Variants in MDN1 observed in about 807,000 individuals in gnomAD.
MDN1 encodes midasin AAA ATPase 1.
A neutral mutation model predicts 669.2 loss-of-function variants in MDN1; 266 were observed. The ratio of observed to expected loss-of-function variants is 0.40; its 90% CI spans 0.36 to 0.44. MDN1 has a LOEUF of 0.44. MDN1 is among the 20% of genes least tolerant of loss of function. MDN1 has a pLI of 1.00. For synonymous variants in MDN1, 2,385 were observed against 2,457.1 expected (o/e 0.97, Z 0.87); for missense variants, 5,940 against 6,754.0 (o/e 0.88, Z 4.22).
At position 89,787,922 on chromosome 6, in the gene MDN1, C is replaced by T. The variant is rs751036350; in HGVS notation, c.1266G>A (p.Glu422=). 1 of 1,613,668 alleles carries T rather than the reference C, an allele frequency of 6.2e-7. No homozygotes were observed. The highest frequency in any genetic ancestry group is 8.5e-7 in the Non-Finnish European group (1 of 1,180,012). ...AGTCACCTCGGCCAGGAATCAAGAG[C>T]TCTCCATTCTCCAAGAGAGGGATCA... ...SVLIPLLENG[E]LLIPGRGDCL... The change falls in exon 8 of 102, where the codon GAG becomes GAA. Residue 422 remains glutamate (E), a synonymous_variant. Transcript: ENST00000369393.
In MDN1 at chr6:89,671,899, G is replaced by A. The variant is rs144926670; in HGVS notation, c.13794+301C>T. 2.9e-3 allele frequency among the ~76,000 whole-genome samples: 436 copies of A among 152,302 alleles called. 1 individual carries two copies. Among genetic ancestry groups the A allele is most frequent in the African/African-American group, 9.9e-3 (411 of 41,562 alleles). ...CTGCTAAGCCTCAGTTGATAACATC[G>A]TCTATCAGTAACATCAGATACTTGG... On this transcript the variant is annotated intron_variant, in intron 82 of 101. Transcript: ENST00000369393.
rs1811814646 is a variant in MDN1, at chr6:89,683,823, T to C, written c.11903+8A>G. ...TTTGGTTGTCTCCAGTTTTAAAAGA[T>C]GGATTACCTGTGTGTCTTTTCTACA... On this transcript the variant is annotated splice_region_variant and intron_variant, in intron 72 of 101. Coordinates refer to ENST00000369393, the MANE Select transcript of MDN1 (RefSeq NM_014611.3). 7 of 1,610,026 alleles carry C rather than the reference T, an allele frequency of 4.3e-6. No individual in the cohort carries two copies. The highest frequency in any genetic ancestry group is 5.1e-6 in the Non-Finnish European group (6 of 1,176,774).
At chr6:89,783,476 G>A (rs1348428748) in intron 9 of MDN1, among the ~76,000 whole-genome samples, 1 of 152,138 alleles carries the variant, frequency 6.6e-6, no homozygotes, top group Non-Finnish European at 1.5e-5. Context: ...GCTGAACATA[G>A]AGCCTTATCA....
chr6:89,727,480 C>A (rs191001383), intron 37 of MDN1, among the ~76,000 whole-genome samples: 1 of 152,206 alleles, frequency 6.6e-6, no homozygotes, highest in East Asian at 1.9e-4. Context: ...TTAGTCTCTC[C>A]GGTGCACTAA....
rs1382214463 is a variant in MDN1, at chr6:89,683,898, C to A, written c.11836G>T (p.Val3946Phe). Residue 3946 changes from valine (V) to phenylalanine (F), a missense_variant, in exon 72 of 102, where the codon GTT (valine) becomes TTT (phenylalanine). Around this residue, in one of 5 missense-constraint regions of MDN1, gnomAD observed 2,280 missense variants for 2,576.3 expected, o/e 0.88. Transcript: ENST00000369393. Reference sequence around the variant, plus strand: ...ACATCATTCCACTTGGAAATCTTAACAAATTCCTGTAAGATAAATGATGTT... The same window carrying A: ...ACATCATTCCACTTGGAAATCTTAAAAAATTCCTGTAAGATAAATGATGTT... ...SPLEKELKEF[V>F]KISKWNDVSF... The A allele has an allele frequency of 1.2e-6, 2 of 1,611,018 alleles. No homozygotes were observed. Among genetic ancestry groups the A allele is most frequent in the Non-Finnish European group, 1.7e-6 (2 of 1,177,548 alleles).
At chr6:89,701,487 T>A (rs1454797742) in intron 55 of MDN1, 71 bp downstream of exon 55, 22 of 1,563,954 alleles carry the variant, frequency 1.4e-5, no homozygotes, top group Non-Finnish European at 1.8e-5. Flanking sequence ...CAATGTCAGT[T>A]CCCAAGTTCC....
chr6:89,645,109 A>G lies in MDN1; in HGVS notation c.16508T>C (p.Leu5503Pro). ...TGCCAGGACTCTTTCTTTGCCCTCA[A>G]GGAAAAGGCCTCGCCCATCAGAGAC... ...LVVSDGRGLFLEGKERVLAAV... is the reference protein window; with the variant it reads ...LVVSDGRGLFPEGKERVLAAV... Residue 5503 changes from leucine (L) to proline (P), a missense_variant, in exon 101 of 102, where the codon CTT becomes CCT. By Grantham distance (98) the Leu-to-Pro change is moderately conservative. This residue lies in a region of MDN1 where 2,280 missense variants were observed against 2,576.3 expected (regional missense o/e 0.88). Transcript: ENST00000369393. 6.2e-7 allele frequency: 1 copy of G among 1,612,190 alleles called. No individual in the cohort carries two copies. Among genetic ancestry groups the G allele is most frequent in the Non-Finnish European group, 8.5e-7 (1 of 1,178,332 alleles).
intron 96 of MDN1, 56 bp from the exon 97 acceptor site, chr6:89,650,254 T>G: frequency 6.6e-7 from 1 of 1,524,360 alleles, no homozygotes; most frequent in Non-Finnish European, 9.0e-7. Flanking sequence ...CCTGAGAATT[T>G]TTATTAAGGA....
intron 61 of MDN1, among the ~76,000 whole-genome samples, chr6:89,694,449 T>C (rs1233264903): frequency 3.9e-5 from 6 of 152,238 alleles, no homozygotes; most frequent in Admixed American, 2.0e-4. Context: ...ATTTTCCTTC[T>C]TCAAAATATG....
chr6:89,663,582 TA>T (rs1365833709), intron 85 of MDN1, among the ~76,000 whole-genome samples: 6 of 152,158 alleles, frequency 3.9e-5, no homozygotes, highest in African/African-American at 1.4e-4. Flanking sequence ...TGATGTACTT[TA>T]AAAAATCAAA....
At chr6:89,809,993 TAAAAAAAAAAAAAAA>T (rs61558155) in intron 1 of MDN1, among the ~76,000 whole-genome samples, 12 of 52,834 alleles carry the variant, frequency 2.3e-4, no homozygotes, top group East Asian at 7.9e-4. Flanking sequence ...TCCGTTTCAC[TAAAAAAAAAAAAAAA>T]AAAAAAAAAA....
chr6:89,717,670 A>C (rs1164590321), intron 43 of MDN1, among the ~76,000 whole-genome samples: 1 of 152,242 alleles, frequency 6.6e-6, no homozygotes, highest in Non-Finnish European at 1.5e-5. Flanking sequence ...TGGCAGGCTT[A>C]AAGTGAGAAA....
intron 62 of MDN1, 43 bp downstream of exon 62, chr6:89,694,031 G>A: frequency 6.8e-7 from 1 of 1,473,640 alleles, no homozygotes; most frequent in Non-Finnish European, 9.5e-7. Context: ...ATCAAAAGGA[G>A]AGTCAATAAT....
chr6:89,696,099 C>T, intron 60 of MDN1, 107 bp from the exon 61 acceptor site: 1 of 1,411,400 alleles, frequency 7.1e-7, no homozygotes. Flanking sequence ...AATGCAGCAT[C>T]AATATGTAGA....
intron 33 of MDN1, 65 bp from the exon 34 acceptor site, chr6:89,732,840 C>A: frequency 6.8e-7 from 1 of 1,474,896 alleles, no homozygotes; most frequent in South Asian, 1.2e-5. Flanking sequence ...AAGTTCATAA[C>A]CAGGGGCACA....
chr6:89,792,816 G>A (rs758705270), intron 5 of MDN1, among the ~76,000 whole-genome samples: 26 of 151,812 alleles, frequency 1.7e-4, no homozygotes, highest in Non-Finnish European at 3.4e-4. Flanking sequence ...TCAGGCATTC[G>A]AGACCAGGCT....
intron 51 of MDN1, among the ~76,000 whole-genome samples, chr6:89,708,088 G>T (rs1364441764): frequency 6.6e-6 from 1 of 152,094 alleles, no homozygotes; most frequent in Non-Finnish European, 1.5e-5. Context: ...GATCACTTGA[G>T]CTTAGAAGTT....
In MDN1 at chr6:89,692,424, C is replaced by T. The variant is rs1359263138; in HGVS notation, c.10587+19G>A. On this transcript the variant is annotated intron_variant, in intron 63 of 101. Coordinates refer to ENST00000369393, the MANE Select transcript of MDN1 (RefSeq NM_014611.3). ...TCTGCAGGAGGAAGGGCAGGGCAGG[C>T]CTCCCAGAGATGGCTCACCTGACAC... 2.5e-6 allele frequency: 4 copies of T among 1,586,648 alleles called. No individual in the cohort carries two copies. The East Asian group carries it at 9.0e-5, about 36-fold the overall frequency.
intron 9 of MDN1, 24 bp downstream of exon 9, chr6:89,784,988 T>C: frequency 6.7e-7 from 1 of 1,496,408 alleles, no homozygotes; most frequent in Non-Finnish European, 9.3e-7. Flanking sequence ...TGGCCAGCAT[T>C]GATACTTTCC....
Sources: allele counts gnomAD v4.1 joint callset (sites outside exome capture counted in the v4.1 genomes callset), GRCh38; gene constraint gnomAD v4.1.1; regional missense constraint gnomAD v4.1.1; transcripts MANE v1.5; gene names NCBI Gene and HGNC (gene_info 2026-07-23, HGNC 2026-07-21).